The following PLD1 variants were observed in gnomAD, a reference collection of about 807,000 sequenced individuals.
PLD1 encodes phospholipase D1, also known as choline phosphatase 1.
PLD1 carries 112 observed loss-of-function variants against 137.1 expected under a neutral mutation model. That is an observed-to-expected ratio of 0.82 (90% CI 0.70 to 0.96). The LOEUF (loss-of-function observed/expected upper bound fraction) is 0.96. Among genes scored for constraint, PLD1 ranks in the 40% least tolerant of loss-of-function variants. The pLI is 0.00. For missense variants in PLD1, 1,321 were observed against 1,342.0 expected (o/e 0.98, Z 0.24); for synonymous variants, 431 against 454.7 (o/e 0.95, Z 0.66).
rs866633931 is a variant in PLD1 at position 171,672,495 on chromosome 3, A to T, written c.2229+2005T>A. On this transcript the variant is annotated intron_variant, in intron 19 of 26. Coordinates refer to ENST00000351298, the MANE Select transcript of PLD1 (RefSeq NM_002662.5). ...TTCTTTTCTTTTAGTTTTTATTTTTATTTTTTTTTTTTGAGTCAGTCTCGC... is the reference window on the plus strand; with the variant it reads ...TTCTTTTCTTTTAGTTTTTATTTTTTTTTTTTTTTTTTGAGTCAGTCTCGC... 1.3e-3 allele frequency among the ~76,000 whole-genome samples: 171 copies of T among 136,144 alleles called. 1 individual carries two copies. The highest frequency in any genetic ancestry group is 3.6e-3 in the East Asian group (18 of 4,996). 89.3% of individuals were successfully genotyped at this position (136,144 alleles called of 152,430 possible). A position where few individuals can be genotyped will look rare whatever the true frequency, so the allele number is the denominator to read the frequency against.
At chr3:171,690,975 A>G (rs913111996) in intron 13 of PLD1, among the ~76,000 whole-genome samples, 1 of 152,106 alleles carries the variant, frequency 6.6e-6, no homozygotes, top group East Asian at 1.9e-4. Flanking sequence ...TTTCAATCAT[A>G]TATTTCGATT....
chr3:171,618,119 A>G (rs1171131718), intron 24 of PLD1, among the ~76,000 whole-genome samples: 5 of 152,098 alleles, frequency 3.3e-5, no homozygotes, highest in African/African-American at 4.8e-5. Flanking sequence ...TGGGGAAGGA[A>G]AAAAGGAATC....
At chr3:171,635,150 A>G (rs1735001812) in intron 23 of PLD1, among the ~76,000 whole-genome samples, 1 of 152,064 alleles carries the variant, frequency 6.6e-6, no homozygotes, top group African/African-American at 2.4e-5. Flanking sequence ...GATACACCCC[A>G]TTTTGTTTAT....
intron 21 of PLD1, among the ~76,000 whole-genome samples, chr3:171,657,723 T>C (rs1737332093): frequency 6.6e-6 from 1 of 152,184 alleles, no homozygotes; most frequent in Admixed American, 6.5e-5. Flanking sequence ...TTCATGATCC[T>C]AGATCAGGCA....
At chr3:171,711,243 T>C (rs1402306988) in intron 9 of PLD1, among the ~76,000 whole-genome samples, 1 of 142,292 alleles carries the variant, frequency 7.0e-6, no homozygotes, top group Non-Finnish European at 1.5e-5. Flanking sequence ...CAATCTCGGC[T>C]CACTCCAACT....
intron 1 of PLD1, among the ~76,000 whole-genome samples, chr3:171,764,870 A>AGAGAAAG (rs1553845831): frequency 3.8e-5 from 1 of 26,304 alleles, no homozygotes; most frequent in Non-Finnish European, 8.1e-5. Flanking sequence ...AAAGAAAGAA[A>AGAGAAAG]GAAAGAAAGA....
At chr3:171,605,277 G>A in intron 26 of PLD1, 22 bp downstream of exon 26, 4 of 1,230,384 alleles carry the variant, frequency 3.3e-6, no homozygotes, top group Non-Finnish European at 4.8e-6. Context: ...AGAAACGGAG[G>A]AGGGGAATAC....
intron 1 of PLD1, among the ~76,000 whole-genome samples, chr3:171,774,760 G>A (rs1722533716): frequency 6.6e-6 from 1 of 152,230 alleles, no homozygotes; most frequent in Non-Finnish European, 1.5e-5. Flanking sequence ...CCACGTGGTG[G>A]TTACTAATGC....
rs1732733917 is a variant in PLD1, at chr3:171,612,361, T to C, written c.2800A>G (p.Thr934Ala). 1.2e-6 allele frequency: 2 copies of C among 1,614,022 alleles called. No individual in the cohort carries two copies. Among genetic ancestry groups the C allele is most frequent in the African/African-American group, 1.3e-5 (1 of 74,940 alleles). ...DSEMAVIVQD[T>A]ETVPSVMDGK... is the part of the protein sequence containing the mutation. The stretch of plus-strand genomic sequence containing the variant: ...TCCATTACTGAAGGAACAGTCTCTG[T>C]ATCTTGCACAATGACAGCCATTTCA... The change falls in exon 25 of 27, where the codon ACA (threonine) becomes GCA (alanine). Residue 934 changes from threonine (T) to alanine (A), a missense_variant. Transcript: ENST00000351298. The surrounding 1 kb of genome is among the most constrained non-coding windows in gnomAD (Gnocchi z 4.1).
chr3:171,775,505 A>G (rs183164635), intron 1 of PLD1, among the ~76,000 whole-genome samples: 293 of 152,288 alleles, frequency 1.9e-3, no homozygotes, highest in South Asian at 2.5e-3. Context: ...TAGAATGTCA[A>G]AGAGGTCCCC....
At chr3:171,648,085 A>G (rs1266237099) in intron 21 of PLD1, among the ~76,000 whole-genome samples, 1 of 152,158 alleles carries the variant, frequency 6.6e-6, no homozygotes, top group Non-Finnish European at 1.5e-5. Flanking sequence ...ATTCCATGGT[A>G]TGTACATATC....
intron 19 of PLD1, among the ~76,000 whole-genome samples, chr3:171,668,112 G>A (rs573784567): frequency 2.6e-5 from 4 of 152,254 alleles, no homozygotes; most frequent in African/African-American, 9.6e-5. Context: ...GTAGAAACAG[G>A]CTGCACAGGA....
chr3:171,750,156 G>A lies in PLD1; in HGVS notation c.-31-12074C>T, dbSNP rs186048023. Among the ~76,000 whole-genome samples, 62 of 151,804 alleles carry A rather than the reference G, an allele frequency of 4.1e-4. 1 individual carries two copies. The highest frequency in any genetic ancestry group is 5.2e-4 in the Admixed American group (8 of 15,284). Reference sequence around the variant, plus strand: ...AATTAGCTGAGAAGGATTATTTAAAGTGACTATTATAATAATGCTCAAGGA... The same window carrying A: ...AATTAGCTGAGAAGGATTATTTAAAATGACTATTATAATAATGCTCAAGGA... On this transcript the variant is annotated intron_variant, in intron 1 of 26. Coordinates refer to ENST00000351298, the MANE Select transcript of PLD1 (RefSeq NM_002662.5).
intron 1 of PLD1, among the ~76,000 whole-genome samples, chr3:171,751,576 G>A (rs1465280002): frequency 1.3e-5 from 2 of 152,214 alleles, no homozygotes; most frequent in African/African-American, 4.8e-5. Flanking sequence ...AATCAGGGAA[G>A]TCGTATTGAA....
chr3:171,747,688 C>CA (rs1331288881), intron 1 of PLD1, among the ~76,000 whole-genome samples: 18 of 152,192 alleles, frequency 1.2e-4, no homozygotes, highest in Admixed American at 1.0e-3. Context: ...AGACTTGCAT[C>CA]ATGTTTACTA....
At position 171,740,284 on chromosome 3, in the gene PLD1, T is replaced by C. The variant is rs367824959; in HGVS notation, c.-31-2202A>G. Among the ~76,000 whole-genome samples, 16 of 152,326 alleles carry C rather than the reference T, an allele frequency of 1.1e-4. 1 individual carries two copies. Among genetic ancestry groups the C allele is most frequent in the African/African-American group, 3.4e-4 (14 of 41,584 alleles). ...TTAATTAAGATCTATTCAGCCTCCA[T>C]TGAGGAGCCATTGCCCTTGGTCAAA... On this transcript the variant is annotated intron_variant, in intron 1 of 26. Transcript: ENST00000351298.
chr3:171,679,310 A>C (rs1311122997), intron 16 of PLD1, among the ~76,000 whole-genome samples: 1 of 152,230 alleles, frequency 6.6e-6, no homozygotes, highest in Non-Finnish European at 1.5e-5. Flanking sequence ...ATGATTTAAA[A>C]TGCCATAGAT....
chr3:171,615,442 A>T (rs1733021572), intron 24 of PLD1, among the ~76,000 whole-genome samples: 1 of 152,204 alleles, frequency 6.6e-6, no homozygotes, highest in African/African-American at 2.4e-5. Context: ...GTCATCACTG[A>T]ATTTATTACC....
chr3:171,804,191 C>T (rs1250928759), intron 1 of PLD1, among the ~76,000 whole-genome samples: 5 of 152,156 alleles, frequency 3.3e-5, no homozygotes, highest in Admixed American at 3.3e-4. Context: ...CATAAATCTC[C>T]AATCCCAACC....
Sources: allele counts gnomAD v4.1 joint callset (sites outside exome capture counted in the v4.1 genomes callset), GRCh38; gene constraint gnomAD v4.1.1; non-coding constraint Gnocchi (gnomAD v3.1); transcripts MANE v1.5; gene names NCBI Gene and HGNC (gene_info 2026-07-23, HGNC 2026-07-21).